The following DOT1L variants were observed in gnomAD, a reference collection of about 807,000 sequenced individuals.
DOT1L encodes DOT1 like histone lysine methyltransferase, also known as histone-lysine N-methyltransferase, H3 lysine-79 specific.
A neutral mutation model predicts 153.3 loss-of-function variants in DOT1L; 33 were observed. The ratio of observed to expected loss-of-function variants is 0.22; its 90% confidence interval spans 0.16 to 0.29. The LOEUF is 0.29. Ranked by LOEUF, DOT1L falls within the 10% of genes least tolerant of loss-of-function variation. DOT1L has a pLI of 1.00. For missense variants in DOT1L, 1,847 were observed against 2,119.9 expected (o/e 0.87, Z 2.53); for synonymous variants, 1,135 against 965.1 (o/e 1.18, Z -3.26).
Position 2,176,366 on chromosome 19 carries a change from A to G in DOT1L, c.82-4347A>G, listed in dbSNP as rs1461368897. Among the ~76,000 whole-genome samples the G allele has an allele frequency of 3.3e-5, 5 of 152,178 alleles. No individual in the cohort carries two copies. The East Asian group carries it at 9.6e-4, about 29-fold the overall frequency. On this transcript the variant is annotated intron_variant, in intron 1 of 27. Transcript: ENST00000398665. The stretch of plus-strand genomic sequence containing the variant: ...CTGTGAATGACAGGGAATGAGGCAC[A>G]AGGACGAAACAGGCGTGGGGCAGAG...
chr19:2,210,488 C>T lies in DOT1L; in HGVS notation c.1094C>T (p.Ala365Val). 1 of 1,592,024 alleles carries T rather than the reference C, an allele frequency of 6.3e-7. No individual in the cohort carries two copies. Among genetic ancestry groups the T allele is most frequent in the East Asian group, 2.3e-5 (1 of 44,290 alleles). ...ACTAAGGGCCCAGAGGGCAAGGTGGCCGGCCCCGCCGACGCCCCCATGGTA... is the reference window on the plus strand; with the variant it reads ...ACTAAGGGCCCAGAGGGCAAGGTGGTCGGCCCCGCCGACGCCCCCATGGTA... ...TPTKGPEGKV[A>V]GPADAPMDSG... The change falls in exon 13 of 28, where the codon GCC becomes GTC. Residue 365 changes from alanine (A) to valine (V), a missense_variant. Ala to Val is a moderately conservative substitution (Grantham distance 64). Transcript: ENST00000398665.
chr19:2,220,378 T>A lies in DOT1L; in HGVS notation c.2806+156T>A. On this transcript the variant is annotated intron_variant, in intron 23 of 27. Transcript: ENST00000398665. The surrounding 1 kb of genome is among the most constrained non-coding windows in gnomAD (Gnocchi z 4.5). ...ACGCCTCATTACTGACACCCTTTCC[T>A]GCATCCCACGAGCTGGGATGCGGAT... The A allele has an allele frequency of 1.3e-6, 1 of 766,108 alleles. No homozygotes were observed. The highest frequency in any genetic ancestry group is 2.2e-6 in the Non-Finnish European group (1 of 445,604). The allele number at this position is 766,108 out of a possible 1,614,324, so 47.5% of individuals were successfully genotyped here.
At chr19:2,198,568 C>T (rs534135059) in intron 7 of DOT1L, among the ~76,000 whole-genome samples, 13 of 152,214 alleles carry the variant, frequency 8.5e-5, no homozygotes, top group Non-Finnish European at 1.6e-4. Context: ...GCTTGCGTTA[C>T]CCTCTCTGCT....
intron 7 of DOT1L, among the ~76,000 whole-genome samples, chr19:2,196,005 G>A (rs1019560653): frequency 2.0e-5 from 3 of 152,220 alleles, no homozygotes; most frequent in South Asian, 2.1e-4. Context: ...GTGCCCGCCC[G>A]TCTGCCTGGA....
At position 2,216,129 on chromosome 19, in the gene DOT1L, C is replaced by T. The variant is rs2023888584; in HGVS notation, c.1924-152C>T. Reference sequence around the variant, plus strand: ...TATTTGACGCCCCCAGCTTCCCGACCCCGCCTCTATGTGGTCGGCAGCTTT... The same window carrying T: ...TATTTGACGCCCCCAGCTTCCCGACTCCGCCTCTATGTGGTCGGCAGCTTT... On this transcript the variant is annotated intron_variant, in intron 19 of 27. Transcript: ENST00000398665. 5 of 1,182,250 alleles carry T rather than the reference C, an allele frequency of 4.2e-6. No individual in the cohort carries two copies. In the East Asian group the frequency reaches 1.2e-4, roughly 29 times the overall value. The allele number at this position is 1,182,250 out of a possible 1,614,324, so 73.2% of individuals were successfully genotyped here.
intron 7 of DOT1L, among the ~76,000 whole-genome samples, chr19:2,196,221 C>G (rs1484475379): frequency 6.6e-6 from 1 of 152,258 alleles, no homozygotes. Flanking sequence ...CCTGGTGGCC[C>G]CGACCGGGGT....
At chr19:2,219,889 C>A (rs919736967) in intron 22 of DOT1L, among the ~76,000 whole-genome samples, 1 of 152,236 alleles carries the variant, frequency 6.6e-6, no homozygotes, top group African/African-American at 2.4e-5. Flanking sequence ...GCCTCAGGCC[C>A]GCTGCCCATT....
chr19:2,167,308 G>A (rs1340296022), intron 1 of DOT1L, among the ~76,000 whole-genome samples: 3 of 152,204 alleles, frequency 2.0e-5, no homozygotes, highest in South Asian at 2.1e-4. Context: ...ACCCAGCGTC[G>A]GGGCCTGGGG....
Position 2,207,761 on chromosome 19 carries a change from A to T in DOT1L, c.963+81A>T, listed in dbSNP as rs1371428921. On this transcript the variant is annotated intron_variant, in intron 11 of 27. Coordinates refer to ENST00000398665, the MANE Select transcript of DOT1L (RefSeq NM_032482.3). This position sits in a 1 kb window ranked among gnomAD's most constrained non-coding sequence, Gnocchi z 4.5. ...ACGTCACACTGCTCTCTCCTTTCTC[A>T]TGTGGCCTCTGAGACCCTCCCCTCA... is the stretch of plus-strand genomic sequence containing the variant. 7.7e-7 allele frequency: 1 copy of T among 1,299,980 alleles called. No homozygotes were observed. The highest frequency in any genetic ancestry group is 1.1e-6 in the Non-Finnish European group (1 of 949,664). 80.5% of individuals were successfully genotyped at this position (1,299,980 alleles called of 1,614,324 possible).
chr19:2,198,733 C>T (rs975707729), intron 7 of DOT1L, among the ~76,000 whole-genome samples: 1 of 152,216 alleles, frequency 6.6e-6, no homozygotes, highest in Non-Finnish European at 1.5e-5. Context: ...ACTACTCCAG[C>T]CCCCAGCATG....
At chr19:2,184,949 G>C (rs1161742067) in intron 2 of DOT1L, among the ~76,000 whole-genome samples, 1 of 152,164 alleles carries the variant, frequency 6.6e-6, no homozygotes, top group African/African-American at 2.4e-5. Context: ...TTTCTTTCCA[G>C]CCCTTTGCGT....
At chr19:2,178,129 A>G (rs1447267905) in intron 1 of DOT1L, among the ~76,000 whole-genome samples, 1 of 145,810 alleles carries the variant, frequency 6.9e-6, no homozygotes, top group Non-Finnish European at 1.5e-5. Context: ...ATGGGGTTTC[A>G]CTGTGTTAGC....
intron 7 of DOT1L, among the ~76,000 whole-genome samples, chr19:2,196,858 C>T (rs1599570229): frequency 6.6e-6 from 1 of 152,180 alleles, no homozygotes; most frequent in African/African-American, 2.4e-5. Flanking sequence ...TAGCGGCGGG[C>T]TCGTGTGGAT....
At chr19:2,201,863 G>A (rs1176154907) in intron 8 of DOT1L, among the ~76,000 whole-genome samples, 1 of 152,232 alleles carries the variant, frequency 6.6e-6, no homozygotes, top group Non-Finnish European at 1.5e-5. Context: ...TCTGGGCACA[G>A]CGTGCAGGTC....
chr19:2,228,766 G>A (rs1400076698), intron 27 of DOT1L: 7 of 985,302 alleles, frequency 7.1e-6, no homozygotes, highest in South Asian at 4.7e-5. Context: ...CACTCATGAC[G>A]GGTGGCGTGG....
At chr19:2,200,143 C>T (rs967154671) in intron 8 of DOT1L, among the ~76,000 whole-genome samples, 67 of 152,254 alleles carry the variant, frequency 4.4e-4, no homozygotes, top group Non-Finnish European at 1.9e-4. Context: ...AGCAGAGCCC[C>T]TGTCGGCCCT....
chr19:2,227,906 CCCTCCG>C (rs766504104), intron 27 of DOT1L: 158 of 1,228,480 alleles, frequency 1.3e-4, no homozygotes, highest in Middle Eastern at 3.5e-4. Flanking sequence ...CCCGGCCGCC[CCCTCCG>C]CCTCCGCCTC....
At chr19:2,175,507 G>A (rs2021883232) in intron 1 of DOT1L, among the ~76,000 whole-genome samples, 1 of 152,088 alleles carries the variant, frequency 6.6e-6, no homozygotes, top group Non-Finnish European at 1.5e-5. Flanking sequence ...AAGTATAACT[G>A]GAATATTATC....
chr19:2,175,242 G>A (rs2021868214), intron 1 of DOT1L, among the ~76,000 whole-genome samples: 1 of 151,958 alleles, frequency 6.6e-6, no homozygotes, highest in Admixed American at 6.6e-5. Flanking sequence ...TCATGATCCT[G>A]CCCGCCTTGG....
Sources: gnomAD v4.1 joint callset for allele counts (sites outside exome capture counted in the v4.1 genomes callset) on GRCh38, gnomAD v4.1.1 for gene constraint, Gnocchi (gnomAD v3.1) non-coding constraint, MANE v1.5 for transcripts, NCBI Gene and HGNC (gene_info 2026-07-23, HGNC 2026-07-21) for gene names.